The following ASCC3 variants were observed in gnomAD, a reference collection of about 807,000 sequenced individuals.
ASCC3 encodes the protein ASC-1 complex subunit P200.
Under a neutral mutation model 256.3 loss-of-function variants are expected in ASCC3, and 158 were observed. That is an observed-to-expected ratio of 0.62 (90% CI 0.54 to 0.70). ASCC3 has a LOEUF of 0.70. Among genes scored for constraint, ASCC3 ranks in the 30% least tolerant of loss-of-function variants. The pLI is 0.00. For missense variants in ASCC3, 2,259 were observed against 2,626.0 expected, an observed-to-expected ratio of 0.86 and a Z score of 3.05; for synonymous variants, 948 against 883.4, an observed-to-expected ratio of 1.07 and a Z score of -1.30.
chr6:100,741,021 G>A (rs1468303827), intron 10 of ASCC3, among the ~76,000 whole-genome samples: 1 of 152,190 alleles, frequency 6.6e-6, no homozygotes, highest in Non-Finnish European at 1.5e-5. Flanking sequence ...ACTGGTAATA[G>A]TTTTTCCTTT....
At chr6:100,595,119 A>G (rs532669634) in intron 34 of ASCC3, among the ~76,000 whole-genome samples, 20 of 152,266 alleles carry the variant, frequency 1.3e-4, no homozygotes, top group African/African-American at 4.3e-4. Flanking sequence ...AGAAGGAATA[A>G]GTTCTGGTGA....
chr6:100,531,268 T>C (rs1312373988), intron 37 of ASCC3, among the ~76,000 whole-genome samples: 5 of 152,182 alleles, frequency 3.3e-5, no homozygotes, highest in African/African-American at 9.7e-5. Context: ...TCTAAACATT[T>C]ATAATTCCAA....
At chr6:100,826,359 C>T (rs1771309704) in intron 4 of ASCC3, among the ~76,000 whole-genome samples, 1 of 152,164 alleles carries the variant, frequency 6.6e-6, no homozygotes, top group South Asian at 2.1e-4. Context: ...TCTCAAACTC[C>T]TGACCTTGTG....
intron 8 of ASCC3, among the ~76,000 whole-genome samples, chr6:100,792,279 A>C (rs918412843): frequency 1.3e-5 from 2 of 151,932 alleles, no homozygotes; most frequent in Non-Finnish European, 2.9e-5. Flanking sequence ...TATTTCGTGA[A>C]GCAAATATTT....
At chr6:100,550,023 C>T (rs527510316) in intron 36 of ASCC3, among the ~76,000 whole-genome samples, 2 of 151,948 alleles carry the variant, frequency 1.3e-5, no homozygotes, top group South Asian at 2.1e-4. Flanking sequence ...AATGATGATG[C>T]TATTAGTAGC....
chr6:100,683,421 C>T (rs1370483847), intron 13 of ASCC3, among the ~76,000 whole-genome samples: 1 of 152,060 alleles, frequency 6.6e-6, no homozygotes, highest in East Asian at 1.9e-4. Flanking sequence ...TTTAAAGTAA[C>T]AATTTCATTT....
chr6:100,686,184 T>C (rs1402182009), intron 13 of ASCC3, among the ~76,000 whole-genome samples: 3 of 152,180 alleles, frequency 2.0e-5, no homozygotes, highest in African/African-American at 7.2e-5. Context: ...AATGAGACAA[T>C]ATAAACAAAG....
At chr6:100,759,050 G>A (rs766294083) in intron 10 of ASCC3, among the ~76,000 whole-genome samples, 1 of 152,180 alleles carries the variant, frequency 6.6e-6, no homozygotes, top group South Asian at 2.1e-4. Context: ...CTTTTGAGAA[G>A]TGTCTGTTCA....
At chr6:100,774,088 A>G (rs990925605) in intron 8 of ASCC3, among the ~76,000 whole-genome samples, 10 of 152,216 alleles carry the variant, frequency 6.6e-5, no homozygotes, top group Non-Finnish European at 2.9e-5. Context: ...TTCTGTCAAT[A>G]CAAATATTTG....
chr6:100,667,456 A>C (rs77175387), intron 14 of ASCC3, among the ~76,000 whole-genome samples: 2,345 of 152,248 alleles, frequency 0.015, 24 homozygotes, highest in East Asian at 0.045. Context: ...AGCCAATTCA[A>C]GTTTTTAAGC....
At chr6:100,767,669 C>T (rs773717712) in intron 8 of ASCC3, among the ~76,000 whole-genome samples, 2 of 151,942 alleles carry the variant, frequency 1.3e-5, no homozygotes, top group East Asian at 1.9e-4. Flanking sequence ...AGTGCACTGG[C>T]GTGATCTCGG....
chr6:100,866,338 C>A (rs1001655758), intron 2 of ASCC3, among the ~76,000 whole-genome samples: 11 of 152,204 alleles, frequency 7.2e-5, no homozygotes, highest in African/African-American at 2.7e-4. Flanking sequence ...AGCTTTTACT[C>A]TTTTGTTTCT....
chr6:100,530,601 T>C (rs1165523075), intron 37 of ASCC3: 3 of 794,646 alleles, frequency 3.8e-6, no homozygotes, highest in African/African-American at 1.7e-5. Flanking sequence ...TGCATGGATG[T>C]TCAGAGCAGC....
intron 5 of ASCC3, among the ~76,000 whole-genome samples, chr6:100,803,545 T>C (rs1255633706): frequency 2.0e-5 from 3 of 152,122 alleles, no homozygotes; most frequent in Non-Finnish European, 2.9e-5. Flanking sequence ...CAGTCTCAGG[T>C]AGTATTTTTA....
At chr6:100,714,759 T>TAA (rs937069861) in intron 13 of ASCC3, among the ~76,000 whole-genome samples, 2 of 152,056 alleles carry the variant, frequency 1.3e-5, no homozygotes, top group Non-Finnish European at 2.9e-5. Context: ...AATTATTTCC[T>TAA]AAAAACAGAA....
chr6:100,700,725 G>A (rs1384529970), intron 13 of ASCC3, among the ~76,000 whole-genome samples: 1 of 152,164 alleles, frequency 6.6e-6, no homozygotes, highest in Non-Finnish European at 1.5e-5. Context: ...CTGCCCCACT[G>A]GATTTTGGAC....
chr6:100,647,117 A>C (rs1267510265), intron 21 of ASCC3, 109 bp downstream of exon 21: 3 of 1,072,904 alleles, frequency 2.8e-6, no homozygotes, highest in Non-Finnish European at 4.1e-6. Flanking sequence ...AAATACGGTA[A>C]AATTTTTATT....
chr6:100,566,312 G>A (rs564786069), intron 36 of ASCC3, among the ~76,000 whole-genome samples: 12 of 152,182 alleles, frequency 7.9e-5, no homozygotes, highest in African/African-American at 2.9e-4. Context: ...AGCTTAGAGG[G>A]ATTAAATAGC....
chr6:100,852,836 A>C (rs1772750471), intron 3 of ASCC3, among the ~76,000 whole-genome samples: 1 of 152,164 alleles, frequency 6.6e-6, no homozygotes, highest in Admixed American at 6.5e-5. Context: ...GGCTCTACCC[A>C]CCTGGCACTT....
Sources: allele counts gnomAD v4.1 joint callset (sites outside exome capture counted in the v4.1 genomes callset), GRCh38; gene constraint gnomAD v4.1.1; transcripts MANE v1.5; gene names NCBI Gene and HGNC (gene_info 2026-07-23, HGNC 2026-07-21).